The following PID1 variants were observed in gnomAD, a reference collection of about 807,000 sequenced individuals.
PID1 encodes the protein phosphotyrosine interaction domain containing 1.
A neutral mutation model predicts 19.1 loss-of-function variants in PID1; 10 were observed. The ratio of observed to expected loss-of-function variants is 0.52; its 90% CI spans 0.32 to 0.89. The LOEUF is 0.89. Among genes scored for constraint, PID1 ranks in the 40% least tolerant of loss-of-function variants. The pLI, the probability that PID1 is intolerant of heterozygous loss-of-function variation, is 0.03. For missense variants in PID1, 248 were observed against 285.3 expected, an observed-to-expected ratio of 0.87 and a Z score of 0.94; for synonymous variants, 130 against 116.0, an observed-to-expected ratio of 1.12 and a Z score of -0.78.
At chr2:229,198,683 C>A (rs1339762620) in intron 1 of PID1, among the ~76,000 whole-genome samples, 1 of 152,064 alleles carries the variant, frequency 6.6e-6, no homozygotes, top group Non-Finnish European at 1.5e-5. Context: ...AGGAGACGCC[C>A]TTGATTCCTC....
intron 1 of PID1, among the ~76,000 whole-genome samples, chr2:229,208,926 T>C (rs993543531): frequency 3.3e-5 from 5 of 152,152 alleles, no homozygotes; most frequent in African/African-American, 1.2e-4. Context: ...TGGCAAATGA[T>C]ACTTGGCTTT....
chr2:229,216,710 T>C (rs1184540998), intron 1 of PID1, among the ~76,000 whole-genome samples: 1 of 151,992 alleles, frequency 6.6e-6, no homozygotes, highest in South Asian at 2.1e-4. Context: ...AAACCAGAAA[T>C]AAAACCCATA....
intron 1 of PID1, among the ~76,000 whole-genome samples, chr2:229,243,135 C>T (rs966361955): frequency 9.2e-5 from 14 of 152,226 alleles, no homozygotes; most frequent in African/African-American, 3.1e-4. Context: ...AAGCAAGTCA[C>T]ATCTTACATG....
At chr2:229,194,980 C>A (rs537498097) in intron 1 of PID1, among the ~76,000 whole-genome samples, 1 of 151,694 alleles carries the variant, frequency 6.6e-6, no homozygotes, top group Non-Finnish European at 1.5e-5. Context: ...TATATCTTTG[C>A]GGATTTTTTC....
intron 1 of PID1, among the ~76,000 whole-genome samples, chr2:229,227,063 C>T (rs571656757): frequency 1.3e-4 from 20 of 152,226 alleles, no homozygotes; most frequent in African/African-American, 3.1e-4. Context: ...AACAAATAAA[C>T]GCAAACTAAA....
chr2:229,240,038 T>C (rs1362170732), intron 1 of PID1, among the ~76,000 whole-genome samples: 1 of 152,152 alleles, frequency 6.6e-6, no homozygotes, highest in Non-Finnish European at 1.5e-5. Context: ...CTGGAAAGTA[T>C]GTCACCTGGC....
At chr2:229,105,944 T>C (rs1289941867) in intron 2 of PID1, among the ~76,000 whole-genome samples, 2 of 151,922 alleles carry the variant, frequency 1.3e-5, no homozygotes, top group African/African-American at 2.4e-5. Context: ...CCAGATGTGG[T>C]GGCGCGTGCC....
intron 2 of PID1, among the ~76,000 whole-genome samples, chr2:229,134,911 C>T (rs1404261691): frequency 7.2e-6 from 1 of 138,718 alleles, no homozygotes; most frequent in Non-Finnish European, 1.6e-5. Flanking sequence ...TGGGATAAAT[C>T]CCCACAAATA....
chr2:229,074,368 A>G (rs1694517083), intron 2 of PID1, among the ~76,000 whole-genome samples: 1 of 152,218 alleles, frequency 6.6e-6, no homozygotes, highest in Non-Finnish European at 1.5e-5. Flanking sequence ...CAACAATAAG[A>G]TAGATTTAAA....
intron 2 of PID1, among the ~76,000 whole-genome samples, chr2:229,082,704 A>G (rs965288942): frequency 6.6e-6 from 1 of 152,154 alleles, no homozygotes; most frequent in African/African-American, 2.4e-5. Flanking sequence ...CAGTCCTACA[A>G]CCACAAGAAA....
At chr2:229,147,921 T>C (rs1326110116) in intron 2 of PID1, among the ~76,000 whole-genome samples, 2 of 152,182 alleles carry the variant, frequency 1.3e-5, no homozygotes, top group Non-Finnish European at 2.9e-5. Context: ...AAATAAGTAG[T>C]TGGAAGCTTT....
intron 1 of PID1, among the ~76,000 whole-genome samples, chr2:229,194,548 C>A (rs1464275200): frequency 6.6e-6 from 1 of 152,060 alleles, no homozygotes; most frequent in Admixed American, 6.6e-5. Context: ...TAAGATTACA[C>A]TAAATACAAA....
intron 2 of PID1, among the ~76,000 whole-genome samples, chr2:229,097,608 C>G (rs1032017026): frequency 1.3e-5 from 2 of 152,070 alleles, no homozygotes; most frequent in African/African-American, 2.4e-5. Context: ...AAAAATAAAA[C>G]AGTATATTAA....
At chr2:229,131,585 G>A (rs1018192224) in intron 2 of PID1, among the ~76,000 whole-genome samples, 12 of 152,236 alleles carry the variant, frequency 7.9e-5, no homozygotes, top group East Asian at 7.7e-4. Context: ...CTCCACATGT[G>A]AAAATCACCA....
At chr2:229,202,211 A>T (rs970410590) in intron 1 of PID1, among the ~76,000 whole-genome samples, 1 of 152,050 alleles carries the variant, frequency 6.6e-6, no homozygotes, top group African/African-American at 2.4e-5. Flanking sequence ...AGTGTAACAA[A>T]ACACGTCTGA....
At chr2:229,105,427 G>A (rs1052388053) in intron 2 of PID1, among the ~76,000 whole-genome samples, 4 of 152,258 alleles carry the variant, frequency 2.6e-5, no homozygotes, top group African/African-American at 9.6e-5. Context: ...GAAGGAAACA[G>A]TCCATTTGAA....
At chr2:229,253,449 T>C (rs1257318728) in intron 1 of PID1, among the ~76,000 whole-genome samples, 1 of 152,030 alleles carries the variant, frequency 6.6e-6, no homozygotes, top group Non-Finnish European at 1.5e-5. Context: ...TACACCCTTA[T>C]AAACAACAAG....
intron 2 of PID1, among the ~76,000 whole-genome samples, chr2:229,153,410 G>A (rs1329052271): frequency 6.6e-6 from 1 of 152,138 alleles, no homozygotes; most frequent in Non-Finnish European, 1.5e-5. Context: ...AGGTTTCTAG[G>A]GATGGAGAGT....
intron 2 of PID1, among the ~76,000 whole-genome samples, chr2:229,072,716 T>C (rs1694481883): frequency 6.6e-6 from 1 of 152,252 alleles, no homozygotes; most frequent in African/African-American, 2.4e-5. Flanking sequence ...GTTACGTATT[T>C]GGCAGTTGTG....
Sources: gnomAD v4.1 joint callset for allele counts (sites outside exome capture counted in the v4.1 genomes callset) on GRCh38, gnomAD v4.1.1 for gene constraint, MANE v1.5 for transcripts, NCBI Gene and HGNC (gene_info 2026-07-23, HGNC 2026-07-21) for gene names.